The following ADGRL3 variants were observed in gnomAD, a reference collection of about 807,000 sequenced individuals.
The protein encoded by ADGRL3 is adhesion G protein-coupled receptor L3.
In ADGRL3, 62 loss-of-function variants were observed where a neutral mutation model predicts 153.5. The observed-to-expected ratio is 0.40, with a 90% CI of 0.33 to 0.50. ADGRL3 has a LOEUF of 0.50. Among genes scored for constraint, ADGRL3 ranks in the 20% least tolerant of loss-of-function variants. The pLI is 0.47. For synonymous variants in ADGRL3, 710 were observed against 672.5 expected (o/e 1.06, Z -0.86); for missense variants, 1,641 against 1,859.4 (o/e 0.88, Z 2.16).
chr4:61,205,473 T>G (rs1395735755), intron 1 of ADGRL3, among the ~76,000 whole-genome samples: 1 of 152,178 alleles, frequency 6.6e-6, no homozygotes, highest in East Asian at 1.9e-4. Context: ...TGCCTTCTCT[T>G]TCCTAGATTT....
At chr4:61,886,417 G>T (rs1452296740) in intron 9 of ADGRL3, among the ~76,000 whole-genome samples, 1 of 152,098 alleles carries the variant, frequency 6.6e-6, no homozygotes, top group African/African-American at 2.4e-5. Context: ...CACTTAAAGG[G>T]TGGGGAGAAG....
chr4:61,283,465 A>G (rs2093804270), intron 1 of ADGRL3, among the ~76,000 whole-genome samples: 2 of 151,858 alleles, frequency 1.3e-5, no homozygotes, highest in Admixed American at 6.6e-5. Context: ...CCTTTTTTCA[A>G]TAGCTGCTTC....
chr4:61,236,947 T>A (rs759289643), intron 1 of ADGRL3, among the ~76,000 whole-genome samples: 1 of 152,226 alleles, frequency 6.6e-6, no homozygotes, highest in African/African-American at 2.4e-5. Context: ...ATTTCAGATA[T>A]TATTACATTA....
chr4:61,860,045 G>A (rs998565273), intron 9 of ADGRL3, among the ~76,000 whole-genome samples: 1 of 152,122 alleles, frequency 6.6e-6, no homozygotes, highest in Non-Finnish European at 1.5e-5. Flanking sequence ...TAGAGATAAA[G>A]GTGTATATCA....
chr4:61,317,713 A>T (rs947060693), intron 1 of ADGRL3, among the ~76,000 whole-genome samples: 1 of 152,144 alleles, frequency 6.6e-6, no homozygotes, highest in African/African-American at 2.4e-5. Flanking sequence ...ACAGAGGCTG[A>T]AGATTGTAGC....
intron 6 of ADGRL3, among the ~76,000 whole-genome samples, chr4:61,687,307 G>C (rs980984955): frequency 6.6e-6 from 1 of 151,872 alleles, no homozygotes; most frequent in African/African-American, 2.4e-5. Flanking sequence ...GAGATGGGAG[G>C]TTATTCTGGA....
At chr4:61,836,100 A>C (rs574344896) in intron 9 of ADGRL3, among the ~76,000 whole-genome samples, 1 of 152,334 alleles carries the variant, frequency 6.6e-6, no homozygotes, top group African/African-American at 2.4e-5. Flanking sequence ...TTAAAAGCTT[A>C]ACGTTGTTAC....
chr4:61,579,568 A>G (rs75788435), intron 4 of ADGRL3: 10,846 of 508,310 alleles, frequency 0.021, 852 homozygotes, highest in African/African-American at 0.18. Context: ...GAAGGTCACA[A>G]CTTTGTGTAT....
chr4:61,866,477 T>G (rs2098400912), intron 9 of ADGRL3, among the ~76,000 whole-genome samples: 1 of 152,182 alleles, frequency 6.6e-6, no homozygotes, highest in South Asian at 2.1e-4. Flanking sequence ...TCTGCAGTCT[T>G]TAATGACATC....
chr4:61,728,119 T>G (rs997928428), intron 6 of ADGRL3, among the ~76,000 whole-genome samples: 1 of 152,102 alleles, frequency 6.6e-6, no homozygotes, highest in South Asian at 2.1e-4. Flanking sequence ...GGGAATATGA[T>G]TTGTGTGCGC....
rs753195467 is a variant in ADGRL3, at chr4:61,934,872, G to A, written c.2145G>A (p.Gln715=). 3 of 1,613,708 alleles carry A rather than the reference G, an allele frequency of 1.9e-6. No individual in the cohort carries two copies. The highest frequency in any genetic ancestry group is 2.2e-5 in the East Asian group (1 of 44,864). The stretch of plus-strand genomic sequence containing the variant: ...TCGAGACAGTTAACAACCTCCTTCA[G>A]CCACAAGCTTTGAATGCATGGAGAG... ...AMVETVNNLL[Q]PQALNAWRDL... The change falls in exon 14 of 27, where the codon CAG becomes CAA. Residue 715 remains glutamine (Q), a synonymous_variant. Transcript: ENST00000683033.
At chr4:61,205,521 G>T (rs1736715766) in intron 1 of ADGRL3, among the ~76,000 whole-genome samples, 1 of 152,122 alleles carries the variant, frequency 6.6e-6, no homozygotes, top group African/African-American at 2.4e-5. Context: ...CACTTTGGGA[G>T]GAACCCTAAA....
chr4:61,665,230 T>C (rs951085684), intron 5 of ADGRL3, among the ~76,000 whole-genome samples: 1 of 152,084 alleles, frequency 6.6e-6, no homozygotes, highest in Non-Finnish European at 1.5e-5. Flanking sequence ...GGCCACATGG[T>C]GAAACCCAGT....
rs767888055 is a variant in ADGRL3, at chr4:62,076,607, A to T, written c.*5699A>T. The T allele has an allele frequency of 9.9e-5, 15 of 152,082 alleles. No homozygotes were observed. Among genetic ancestry groups the T allele is most frequent in the Non-Finnish European group, 1.9e-4 (13 of 67,936 alleles). 9.4% of individuals were successfully genotyped at this position (152,082 alleles called of 1,614,324 possible). On this transcript the variant is annotated 3_prime_UTR_variant, in exon 27 of 27. Coordinates refer to ENST00000683033, the MANE Select transcript of ADGRL3 (RefSeq NM_001387552.1). ...ACACTACACCAAATGTTACAGATGT[A>T]TTCCGAAAAGTAAAATGGGAGTTTC...
intron 9 of ADGRL3, among the ~76,000 whole-genome samples, chr4:61,856,923 C>T (rs1427946039): frequency 6.8e-6 from 1 of 147,780 alleles, no homozygotes; most frequent in Non-Finnish European, 1.5e-5. Flanking sequence ...CCCTCCCTCC[C>T]GCCCTCCCTC....
In ADGRL3 at chr4:61,781,358, G is replaced by GAA. The variant is rs1243107898; in HGVS notation, c.1400-32447_1400-32446dup. On this transcript the variant is annotated intron_variant, in intron 8 of 26. Transcript: ENST00000683033. ...AAAAAAAAAAAAAAAGAAAAGAAAA[G>GAA]AAAAAGAAAAAAGAAAGTGTTGTCT... Among the ~76,000 whole-genome samples, 4 of 140,350 alleles carry GAA rather than the reference G, an allele frequency of 2.9e-5. No individual in the cohort carries two copies. The East Asian group carries it at 8.5e-4, about 30-fold the overall frequency. The allele number at this position is 140,350 out of a possible 152,430, so 92.1% of individuals were successfully genotyped here.
At chr4:61,561,852 C>A (rs2098796473) in intron 4 of ADGRL3, among the ~76,000 whole-genome samples, 1 of 151,894 alleles carries the variant, frequency 6.6e-6, no homozygotes, top group Admixed American at 6.6e-5. Context: ...GTTGCCCAAG[C>A]TTGTCTCAAA....
At chr4:62,013,571 A>T (rs1476320044) in intron 21 of ADGRL3, among the ~76,000 whole-genome samples, 2 of 151,508 alleles carry the variant, frequency 1.3e-5, no homozygotes, top group Non-Finnish European at 2.9e-5. Flanking sequence ...GAAAGAAAGA[A>T]ATTTGTTGTT....
chr4:61,775,704 A>G, intron 8 of ADGRL3: 4 of 1,352,784 alleles, frequency 3.0e-6, no homozygotes, highest in Non-Finnish European at 4.2e-6. Flanking sequence ...CAAGCACACA[A>G]AGGTGGGCTT....
Sources: allele counts gnomAD v4.1 joint callset (sites outside exome capture counted in the v4.1 genomes callset), GRCh38; gene constraint gnomAD v4.1.1; transcripts MANE v1.5; gene names NCBI Gene and HGNC (gene_info 2026-07-23, HGNC 2026-07-21).